Variants in TAF4 observed in about 807,000 individuals in gnomAD.
TAF4 encodes the protein TATA-box binding protein associated factor 4.
In TAF4, 9 loss-of-function variants were observed where a neutral mutation model predicts 90.3. The ratio of observed to expected loss-of-function variants is 0.10; its 90% CI spans 0.06 to 0.17. The LOEUF is 0.17. Ranked by LOEUF, TAF4 falls within the 10% of genes least tolerant of loss-of-function variation. The pLI is 1.00. For missense variants in TAF4, 1,351 were observed against 1,370.7 expected (o/e 0.99, Z 0.23); for synonymous variants, 818 against 638.9 (o/e 1.28, Z -4.23).
chr20:61,979,846 TG>T (rs2055527001), intron 14 of TAF4, among the ~76,000 whole-genome samples: 1 of 149,786 alleles, frequency 6.7e-6, no homozygotes, highest in Non-Finnish European at 1.5e-5. Context: ...GCAGGCGCCG[TG>T]GCCACTCCAG....
rs1374808368 is a variant in TAF4, at chr20:62,065,676, C to A, written c.135G>T (p.Pro45=). ...CCGCGGCCCGCACCTCGGGCGTGCGCGGCGCGAGGTGGTGGTGGTGGGCCG... is the reference window on the plus strand; with the variant it reads ...CCGCGGCCCGCACCTCGGGCGTGCGAGGCGCGAGGTGGTGGTGGTGGGCCG... ...ASAAHHHHLA[P]RTPEVRAAAA... Residue 45 remains proline, a synonymous_variant, in exon 1 of 15, where the codon CCG becomes CCT. Coordinates refer to ENST00000252996, the MANE Select transcript of TAF4 (RefSeq NM_003185.4). 7 of 1,158,488 alleles carry A rather than the reference C, an allele frequency of 6.0e-6. No homozygotes were observed. Among genetic ancestry groups the A allele is most frequent in the Non-Finnish European group, 7.5e-6 (7 of 933,766 alleles). The allele number at this position is 1,158,488 out of a possible 1,614,324, so 71.8% of individuals were successfully genotyped here. A position where few individuals can be genotyped will look rare whatever the true frequency, so the allele number is the denominator to read the frequency against.
At chr20:61,998,908 C>T (rs1291614575) in intron 12 of TAF4, 75 bp downstream of exon 12, 5 of 1,568,284 alleles carry the variant, frequency 3.2e-6, no homozygotes, top group Non-Finnish European at 3.5e-6. Flanking sequence ...CAAAACCCCA[C>T]TGTCTCAGTG....
chr20:62,031,190 A>C (rs1307665854), intron 1 of TAF4, among the ~76,000 whole-genome samples: 2 of 152,114 alleles, frequency 1.3e-5, no homozygotes, highest in Admixed American at 1.3e-4. Flanking sequence ...GCCTCATGTG[A>C]CTTCACTGAC....
At chr20:62,004,328 C>CT (rs60437230) in intron 7 of TAF4, among the ~76,000 whole-genome samples, 2,446 of 117,132 alleles carry the variant, frequency 0.021, 105 homozygotes, top group South Asian at 0.054. Context: ...CTTTTCTTTT[C>CT]TTTTTTTTTT....
intron 2 of TAF4, among the ~76,000 whole-genome samples, chr20:62,013,982 C>T (rs924820306): frequency 7.0e-6 from 1 of 142,818 alleles, no homozygotes; most frequent in Non-Finnish European, 1.5e-5. Context: ...GCTCAGGAGT[C>T]GGGAGCTTCG....
intron 1 of TAF4, among the ~76,000 whole-genome samples, chr20:62,040,331 C>T (rs1014631732): frequency 5.9e-5 from 9 of 152,370 alleles, no homozygotes; most frequent in African/African-American, 1.9e-4. Flanking sequence ...ACCACTTGGG[C>T]ACCACGCAGA....
At chr20:62,048,771 GC>G (rs2056009086) in intron 1 of TAF4, among the ~76,000 whole-genome samples, 1 of 127,724 alleles carries the variant, frequency 7.8e-6, no homozygotes, top group African/African-American at 3.1e-5. Flanking sequence ...CCATCCTCCT[GC>G]AGCCCTCTCC....
chr20:62,019,711 C>T (rs887976825), intron 1 of TAF4, among the ~76,000 whole-genome samples: 2 of 152,212 alleles, frequency 1.3e-5, no homozygotes, highest in African/African-American at 2.4e-5. Context: ...ATGCCGCCAC[C>T]GATTCCCACA....
chr20:62,053,704 A>C (rs2056044082), intron 1 of TAF4, among the ~76,000 whole-genome samples: 5 of 152,218 alleles, frequency 3.3e-5, no homozygotes, highest in South Asian at 2.1e-4. Flanking sequence ...TGGCCCACCA[A>C]GGCCAAGCAC....
At position 61,987,756 on chromosome 20, in the gene TAF4, G is replaced by A. The variant is rs77338429; in HGVS notation, c.3090+9794C>T. ...AGGGGCTGAAAATTTATGTCCACACGAAATCCTGCGCACAGATGTTTATAC... is the reference window on the plus strand; with the variant it reads ...AGGGGCTGAAAATTTATGTCCACACAAAATCCTGCGCACAGATGTTTATAC... On this transcript the variant is annotated intron_variant, in intron 14 of 14. Coordinates refer to ENST00000252996, the MANE Select transcript of TAF4 (RefSeq NM_003185.4). 3.3e-5 allele frequency among the ~76,000 whole-genome samples: 5 copies of A among 152,228 alleles called. No homozygotes were observed. The South Asian group carries it at 8.3e-4, about 25-fold the overall frequency.
chr20:62,014,019 G>GGTGTGTGT (rs56759835), intron 2 of TAF4, among the ~76,000 whole-genome samples: 2 of 126,450 alleles, frequency 1.6e-5, no homozygotes, highest in Non-Finnish European at 3.1e-5. Context: ...CGGGGGTGTG[G>GGTGTGTGT]GTGTGTGTGT....
chr20:62,004,076 C>T (rs1046481988), intron 7 of TAF4, among the ~76,000 whole-genome samples, 198 bp from the exon 8 acceptor site: 4 of 152,212 alleles, frequency 2.6e-5, no homozygotes, highest in African/African-American at 9.6e-5. Flanking sequence ...CAGACCAGGG[C>T]AGGACGTGGG....
intron 1 of TAF4, among the ~76,000 whole-genome samples, chr20:62,047,769 A>G (rs1193217030): frequency 6.6e-6 from 1 of 152,248 alleles, no homozygotes; most frequent in African/African-American, 2.4e-5. Flanking sequence ...CCATGAGAAG[A>G]GTCGCCCCTG....
chr20:62,014,406 C>T (rs552199143), intron 2 of TAF4, 141 bp downstream of exon 2: 34 of 1,129,934 alleles, frequency 3.0e-5, no homozygotes, highest in Middle Eastern at 6.0e-4. Context: ...CTAGATGGGA[C>T]GGATGGGACT....
chr20:61,999,685 C>T (rs773266557), intron 11 of TAF4, among the ~76,000 whole-genome samples: 3 of 152,234 alleles, frequency 2.0e-5, no homozygotes, highest in Non-Finnish European at 4.4e-5. Context: ...GAGGCTCATG[C>T]CTGTAATCCC....
chr20:62,004,995 T>C (rs920384747), intron 7 of TAF4: 1 of 152,304 alleles, frequency 6.6e-6, no homozygotes, highest in African/African-American at 2.4e-5. Flanking sequence ...CTTCAGAATT[T>C]AGTCGCTACC....
At chr20:62,056,403 T>C (rs2056064354) in intron 1 of TAF4, among the ~76,000 whole-genome samples, 1 of 152,180 alleles carries the variant, frequency 6.6e-6, no homozygotes, top group East Asian at 1.9e-4. Context: ...AAAAGTCGTA[T>C]TCTGGCAATG....
intron 1 of TAF4, among the ~76,000 whole-genome samples, chr20:62,041,269 G>C (rs1314256479): frequency 6.6e-6 from 1 of 152,196 alleles, no homozygotes; most frequent in African/African-American, 2.4e-5. Flanking sequence ...ACATTTTATT[G>C]TATATAAATT....
At chr20:62,005,411 T>C (rs1231521334) in intron 7 of TAF4, 2 of 152,296 alleles carry the variant, frequency 1.3e-5, no homozygotes, top group Non-Finnish European at 2.9e-5. Context: ...AAAACACCCA[T>C]GCTGCTTGTG....
Sources: gnomAD v4.1 joint callset for allele counts (sites outside exome capture counted in the v4.1 genomes callset) on GRCh38, gnomAD v4.1.1 for gene constraint, MANE v1.5 for transcripts, NCBI Gene and HGNC (gene_info 2026-07-23, HGNC 2026-07-21) for gene names.